The following C4orf50 variants were observed in gnomAD, a reference collection of about 807,000 sequenced individuals.
C4orf50 encodes the protein chromosome 4 open reading frame 50.
In C4orf50, 80 loss-of-function variants were observed where a neutral mutation model predicts 77.2. The ratio of observed to expected loss-of-function variants is 1.04; its 90% CI spans 0.87 to 1.25. The LOEUF (loss-of-function observed/expected upper bound fraction) is 1.25. Among genes scored for constraint, C4orf50 ranks in the 50% most tolerant of loss-of-function variants. The pLI, the probability that C4orf50 is intolerant of heterozygous loss-of-function variation, is 0.00. For missense variants in C4orf50, 1,257 were observed against 1,152.9 expected (o/e 1.09, Z -1.31); for synonymous variants, 532 against 465.3 (o/e 1.14, Z -1.84).
Position 5,981,434 on chromosome 4 carries a change from C to T in C4orf50, c.3700-1096G>A, listed in dbSNP as rs1010996089. On this transcript the variant is annotated intron_variant, in intron 28 of 33. Transcript: ENST00000531445. Reference sequence around the variant, plus strand: ...TTTTTTTTTTTTTGAGATGGAGTTTCGCTTTTGTTGTCCAGGCTGGAGTGC... The same window carrying T: ...TTTTTTTTTTTTTGAGATGGAGTTTTGCTTTTGTTGTCCAGGCTGGAGTGC... 4.1e-3 allele frequency among the ~76,000 whole-genome samples: 489 copies of T among 118,328 alleles called. 4 individuals carry two copies. Among genetic ancestry groups the T allele is most frequent in the African/African-American group, 0.014 (447 of 31,368 alleles). 77.6% of individuals were successfully genotyped at this position (118,328 alleles called of 152,430 possible).
At chr4:5,907,473 G>C (rs1716606855) in intron 7 of C4orf50, among the ~76,000 whole-genome samples, 1 of 152,186 alleles carries the variant, frequency 6.6e-6, no homozygotes, top group African/African-American at 2.4e-5. Flanking sequence ...AATTCTAAAA[G>C]AAGACTTTAA....
chr4:5,980,122 C>T (rs68010642), intron 29 of C4orf50, 52 bp downstream of exon 7: 156,263 of 1,494,150 alleles, frequency 0.1, 8,452 homozygotes, highest in South Asian at 0.12. Flanking sequence ...CAAAACGCCC[C>T]GGGGTGTGGG....
chr4:5,912,597 G>A (rs942070863), intron 7 of C4orf50, among the ~76,000 whole-genome samples: 1 of 152,170 alleles, frequency 6.6e-6, no homozygotes, highest in Admixed American at 6.5e-5. Context: ...GTATGGTAAT[G>A]TGACAGACAT....
chr4:5,939,910 G>T (rs200570880), intron 7 of C4orf50, among the ~76,000 whole-genome samples: 1 of 152,176 alleles, frequency 6.6e-6, no homozygotes, highest in Non-Finnish European at 1.5e-5. Flanking sequence ...CCAGTCTACC[G>T]ACAACATGCA....
chr4:5,952,468 T>C (rs1041408962), downstream of C4orf50, among the ~76,000 whole-genome samples: 2 of 152,208 alleles, frequency 1.3e-5, no homozygotes, highest in African/African-American at 4.8e-5. The surrounding 1 kb of genome is among the most constrained non-coding windows in gnomAD (Gnocchi z 4.4). Flanking sequence ...GAGCACTGAC[T>C]GGCCCCTCCT....
In C4orf50 at chr4:5,980,302, G is replaced by A. The variant is rs747865998; in HGVS notation, c.3736C>T (p.Pro1246Ser). Reference sequence around the variant, plus strand: ...TGGAGCTGCTGGGCCCGCAGCCTGGGATCCTCCTCAGTAACCTCGGCCTCT... The same window carrying A: ...TGGAGCTGCTGGGCCCGCAGCCTGGAATCCTCCTCAGTAACCTCGGCCTCT... The change falls in exon 29 of 34, where the codon CCC (proline) becomes TCC (serine). Residue 1246 changes from proline to serine, a missense_variant. Transcript: ENST00000531445. The A allele has an allele frequency of 5.0e-6, 8 of 1,612,748 alleles. No individual in the cohort carries two copies. The South Asian group carries it at 6.6e-5, about 13-fold the overall frequency.
intron 33 of C4orf50, among the ~76,000 whole-genome samples, chr4:5,961,143 T>C (rs1719251784): frequency 6.6e-6 from 1 of 152,202 alleles, no homozygotes; most frequent in Non-Finnish European, 1.5e-5. Flanking sequence ...TTGAAATGAA[T>C]GTCTCTACTA....
At chr4:6,010,576 G>A (rs1213640351) in intron 24 of C4orf50, among the ~76,000 whole-genome samples, 1 of 152,158 alleles carries the variant, frequency 6.6e-6, no homozygotes, top group African/African-American at 2.4e-5. Flanking sequence ...ATATTTCTTA[G>A]TCTATATTGA....
intron 7 of C4orf50, among the ~76,000 whole-genome samples, chr4:5,928,939 G>C (rs1048322833): frequency 6.6e-6 from 1 of 152,156 alleles, no homozygotes; most frequent in African/African-American, 2.4e-5. Context: ...TGCATTAAAA[G>C]ATTTCCCCAA....
chr4:5,988,424 A>T (rs751303392), exon 28 of C4orf50: 16 of 1,609,460 alleles, frequency 9.9e-6, no homozygotes, highest in Non-Finnish European at 1.4e-5. Flanking sequence ...TCTTTCTCCA[A>T]ATGTGCTTCT....
At chr4:5,967,691 AC>A (rs778804722) in intron 31 of C4orf50, among the ~76,000 whole-genome samples, 2 of 152,252 alleles carry the variant, frequency 1.3e-5, no homozygotes, top group African/African-American at 4.8e-5. Flanking sequence ...GCACAAAAAA[AC>A]GATTCCATTT....
chr4:6,016,731 G>C (rs1020355010), intron 23 of C4orf50, among the ~76,000 whole-genome samples: 81 of 152,134 alleles, frequency 5.3e-4, no homozygotes, highest in African/African-American at 2.0e-3. Flanking sequence ...GTTGCAGAAT[G>C]AATGAAAGAA....
intron 25 of C4orf50, among the ~76,000 whole-genome samples, chr4:5,996,653 T>C: frequency 6.6e-6 from 1 of 152,196 alleles, no homozygotes; most frequent in Admixed American, 6.5e-5. Context: ...CTCCTGTTGA[T>C]CTGTATGATG....
intron 25 of C4orf50, among the ~76,000 whole-genome samples, chr4:5,997,478 T>C (rs1018504395): frequency 6.6e-6 from 1 of 152,238 alleles, no homozygotes; most frequent in Non-Finnish European, 1.5e-5. Context: ...GTGAGTCACT[T>C]GTCCAAGGTC....
chr4:5,990,069 C>G, exon 28 of C4orf50: 2 of 1,341,530 alleles, frequency 1.5e-6, no homozygotes, highest in Non-Finnish European at 1.9e-6. Flanking sequence ...TCTCTGATGA[C>G]AGTCCTCCTC....
chr4:5,942,153 G>C (rs181311280), intron 7 of C4orf50, among the ~76,000 whole-genome samples: 1 of 152,146 alleles, frequency 6.6e-6, no homozygotes, highest in Admixed American at 6.5e-5. Context: ...TGTGGGGTGG[G>C]TTACAAATGG....
In C4orf50 at chr4:5,932,407, T is replaced by G. The variant is rs1717807482; in HGVS notation, c.*2474+24494A>C. ...AAGTCCTGAACCTGAGGTGACCAGG[T>G]GATCATCTACCTGGAGAAGGAAGGC... On this transcript the variant is annotated intron_variant, in intron 7 of 7. Coordinates refer to the C4orf50 transcript ENST00000324058. The surrounding 1 kb of genome is among the most constrained non-coding windows in gnomAD (Gnocchi z 4.2). Among the ~76,000 whole-genome samples the G allele has an allele frequency of 6.6e-6, 1 of 152,102 alleles. No individual in the cohort carries two copies. The highest frequency in any genetic ancestry group is 1.5e-5 in the Non-Finnish European group (1 of 68,022).
chr4:5,982,742 C>T (rs867124762), intron 28 of C4orf50, among the ~76,000 whole-genome samples: 1 of 151,998 alleles, frequency 6.6e-6, no homozygotes, highest in Non-Finnish European at 1.5e-5. Flanking sequence ...TGGGAGGAGA[C>T]ACACATGAGT....
chr4:5,990,521 G>A, exon 28 of C4orf50: 1 of 399,188 alleles, frequency 2.5e-6, no homozygotes, highest in Non-Finnish European at 4.4e-6. Context: ...CAGCCTGGGT[G>A]TCCTGTGGCT....
Sources: allele counts gnomAD v4.1 joint callset (sites outside exome capture counted in the v4.1 genomes callset), GRCh38; gene constraint gnomAD v4.1.1; non-coding constraint Gnocchi (gnomAD v3.1); transcripts MANE v1.5; gene names NCBI Gene and HGNC (gene_info 2026-07-23, HGNC 2026-07-21).